The following WNK1 variants were observed in gnomAD, a reference collection of about 807,000 sequenced individuals.
WNK1 encodes the protein serine/threonine-protein kinase WNK1.
In WNK1, 38 loss-of-function variants were observed where a neutral mutation model predicts 222.8. The ratio of observed to expected loss-of-function variants is 0.17; its 90% CI spans 0.13 to 0.22. The LOEUF (loss-of-function observed/expected upper bound fraction) is 0.22, where lower values mean the gene tolerates loss of function less well. Among genes scored for constraint, WNK1 ranks in the 10% least tolerant of loss-of-function variants. The pLI is 1.00. For missense variants in WNK1, 2,348 were observed against 2,918.4 expected (o/e 0.80, Z 4.50); for synonymous variants, 1,090 against 1,092.9 (o/e 1.00, Z 0.05).
chr12:883,098 C>G, intron 15 of WNK1, 39 bp downstream of exon 15: 2 of 1,415,042 alleles, frequency 1.4e-6, no homozygotes, highest in Non-Finnish European at 2.0e-6. Flanking sequence ...TTCCTTAGTA[C>G]TTGATCTTAA....
intron 9 of WNK1, among the ~76,000 whole-genome samples, chr12:874,676 C>G (rs1438767124): frequency 6.6e-6 from 1 of 151,934 alleles, no homozygotes; most frequent in East Asian, 1.9e-4. Context: ...TATTAAAGTG[C>G]TTTGTACATT....
chr12:830,323 C>T (rs1232087328), intron 4 of WNK1, among the ~76,000 whole-genome samples, 163 bp downstream of exon 4: 1 of 152,100 alleles, frequency 6.6e-6, no homozygotes, highest in East Asian at 1.9e-4. Flanking sequence ...GGCTATTGCT[C>T]ATGATACAGT....
Position 907,518 on chromosome 12 carries a change from C to T in WNK1, c.6644-329C>T, listed in dbSNP as rs1180217370. Among the ~76,000 whole-genome samples the T allele has an allele frequency of 3.3e-5, 5 of 152,176 alleles. No homozygotes were observed. The East Asian group carries it at 5.8e-4, about 18-fold the overall frequency. On this transcript the variant is annotated intron_variant, in intron 26 of 27. Transcript: ENST00000315939. ...GATTGTATCACACCTCCATCAGCAA[C>T]GTGATGCTGGGAATAGCGTACTGGC...
intron 2 of WNK1, among the ~76,000 whole-genome samples, chr12:825,817 C>T (rs958214262): frequency 1.3e-5 from 2 of 152,142 alleles, no homozygotes; most frequent in Non-Finnish European, 2.9e-5. Context: ...TTTAACCAAT[C>T]ATGTGTGTAT....
chr12:840,291 C>CT (rs71441622), intron 4 of WNK1, among the ~76,000 whole-genome samples: 4,311 of 128,118 alleles, frequency 0.034, 283 homozygotes, highest in African/African-American at 0.11. Flanking sequence ...CCATGTCCAG[C>CT]TTTTTTTTTT....
chr12:894,417 A>C, intron 22 of WNK1, 145 bp from the exon 23 acceptor site: 1 of 713,828 alleles, frequency 1.4e-6, no homozygotes, highest in Non-Finnish European at 2.6e-6. Context: ...ACAGAGCCTC[A>C]TGGAGGGAGG....
At chr12:799,680 A>G (rs1008388841) in intron 1 of WNK1, among the ~76,000 whole-genome samples, 16 of 151,780 alleles carry the variant, frequency 1.1e-4, no homozygotes, top group African/African-American at 3.6e-4. Context: ...TGACATTACA[A>G]AAAGTTTTTA....
At chr12:801,617 A>G (rs886124910) in intron 1 of WNK1, among the ~76,000 whole-genome samples, 5 of 150,172 alleles carry the variant, frequency 3.3e-5, no homozygotes, top group African/African-American at 1.2e-4. Context: ...TCTGTTGCCC[A>G]GGCTGGTCTT....
At chr12:868,313 G>C (rs372314085) in intron 8 of WNK1, 16 of 1,612,056 alleles carry the variant, frequency 9.9e-6, no homozygotes, top group African/African-American at 1.3e-5. Flanking sequence ...CCGGGTGGCA[G>C]AACAGTATGA....
chr12:788,246 G>T (rs551998044), intron 1 of WNK1, among the ~76,000 whole-genome samples: 1 of 152,000 alleles, frequency 6.6e-6, no homozygotes, highest in East Asian at 1.9e-4. Flanking sequence ...TGGCAAAATT[G>T]TAACATAAAA....
chr12:758,924 T>C (rs150050456), intron 1 of WNK1, among the ~76,000 whole-genome samples: 1 of 147,654 alleles, frequency 6.8e-6, no homozygotes, highest in African/African-American at 2.4e-5. Flanking sequence ...TTTGTGACAA[T>C]TCATTTCTTG....
Position 889,231 on chromosome 12 carries a change from T to C in WNK1, c.5448+8T>C, listed in dbSNP as rs1390072508. ...GTGACTTCTGCGGTTGGTGTAAGTTTTGAAAATCTTGATAAAATCTCCTCA... is the reference window on the plus strand; with the variant it reads ...GTGACTTCTGCGGTTGGTGTAAGTTCTGAAAATCTTGATAAAATCTCCTCA... On this transcript the variant is annotated splice_region_variant and intron_variant, in intron 21 of 27. Transcript: ENST00000315939. 6.2e-7 allele frequency: 1 copy of C among 1,609,620 alleles called. No homozygotes were observed. Among genetic ancestry groups the C allele is most frequent in the Non-Finnish European group, 8.5e-7 (1 of 1,176,042 alleles).
At chr12:907,129 C>T (rs1248117030) in intron 26 of WNK1, among the ~76,000 whole-genome samples, 1 of 151,104 alleles carries the variant, frequency 6.6e-6, no homozygotes, top group Non-Finnish European at 1.5e-5. Flanking sequence ...TGAGACCAGC[C>T]TGGCCAACAC....
rs766617331 is a variant in WNK1, at chr12:908,676, C to A, written c.7033C>A (p.Pro2345Thr). 2.5e-6 allele frequency: 4 copies of A among 1,614,194 alleles called. No homozygotes were observed. The highest frequency in any genetic ancestry group is 3.4e-6 in the Non-Finnish European group (4 of 1,180,036). ...ATGGAGTGGGACGGGTGGCCCAGCA[C>A]CACAGCCACTTGGCCAGTTCCAACC... ...AQWSGTGGPA[P>T]QPLGQFQPVG... The change falls in exon 28 of 28, where the codon CCA (proline) becomes ACA (threonine). Residue 2345 changes from proline to threonine, a missense_variant. Pro to Thr is a conservative substitution (Grantham distance 38). This residue lies in a region of WNK1 where 76 missense variants were observed against 85.7 expected (regional missense o/e 0.89). Transcript: ENST00000315939.
At chr12:862,869 CTG>C (rs980977821) in intron 8 of WNK1, among the ~76,000 whole-genome samples, 1 of 152,122 alleles carries the variant, frequency 6.6e-6, no homozygotes, top group African/African-American at 2.4e-5. Flanking sequence ...TAGTTGGTAA[CTG>C]TTTTATTACT....
chr12:900,016 CTTTTTTTTTT>C (rs11433731), intron 25 of WNK1, among the ~76,000 whole-genome samples: 1 of 119,642 alleles, frequency 8.4e-6, no homozygotes, highest in African/African-American at 3.2e-5. Context: ...GGATTCTTTT[CTTTTTTTTTT>C]TTTTTTTTTG....
At chr12:804,459 GCGT>G (rs1946170540) in intron 1 of WNK1, among the ~76,000 whole-genome samples, 1 of 148,466 alleles carries the variant, frequency 6.7e-6, no homozygotes, top group South Asian at 2.1e-4. Context: ...TGCAACCTAT[GCGT>G]CCCAGGTTCA....
At chr12:882,168 A>G in intron 14 of WNK1, 95 bp downstream of exon 14, 2 of 1,357,672 alleles carry the variant, frequency 1.5e-6, no homozygotes, top group Non-Finnish European at 2.0e-6. Flanking sequence ...CTCACTTCAT[A>G]AAATAAAGAT....
At chr12:831,589 A>T (rs1948798552) in intron 4 of WNK1, among the ~76,000 whole-genome samples, 1 of 152,090 alleles carries the variant, frequency 6.6e-6, no homozygotes, top group South Asian at 2.1e-4. Context: ...ATTTAAAAAG[A>T]TTACAAAAAT....
Sources: allele counts gnomAD v4.1 joint callset (sites outside exome capture counted in the v4.1 genomes callset), GRCh38; gene constraint gnomAD v4.1.1; regional missense constraint gnomAD v4.1.1; transcripts MANE v1.5; gene names NCBI Gene and HGNC (gene_info 2026-07-23, HGNC 2026-07-21).